DSCAM: variants seen among roughly 807,000 people sequenced by gnomAD.
DSCAM encodes DS cell adhesion molecule, also known as cell adhesion molecule DSCAM.
DSCAM carries 47 observed loss-of-function variants against 217.7 expected under a neutral mutation model. The observed-to-expected ratio is 0.22, with a 90% CI of 0.17 to 0.28. DSCAM has a LOEUF of 0.28. DSCAM is among the 10% of genes least tolerant of loss of function. DSCAM has a pLI of 1.00. For missense variants in DSCAM, 2,080 were observed against 2,618.3 expected (o/e 0.79, Z 4.49); for synonymous variants, 1,056 against 1,015.3 (o/e 1.04, Z -0.76).
chr21:40,128,633 G>A (rs1266499996), intron 19 of DSCAM, among the ~76,000 whole-genome samples: 2 of 150,866 alleles, frequency 1.3e-5, no homozygotes, highest in African/African-American at 2.4e-5. Context: ...CTACCATGCT[G>A]TAGGGGGTGT....
intron 3 of DSCAM, among the ~76,000 whole-genome samples, chr21:40,532,868 CTGTGTGTGTGTGTGTG>C (rs58575678): frequency 0.021 from 2,997 of 146,016 alleles, 64 homozygotes; most frequent in Admixed American, 0.04. Flanking sequence ...CCACAAGGCT[CTGTGTGTGTGTGTGTG>C]TGTGTGTGTG....
At chr21:40,086,516 C>A (rs1205312736) in intron 22 of DSCAM, among the ~76,000 whole-genome samples, 1 of 152,294 alleles carries the variant, frequency 6.6e-6, no homozygotes, top group South Asian at 2.1e-4. Context: ...TGAAAATAGG[C>A]ATTCTTCTGA....
intron 3 of DSCAM, among the ~76,000 whole-genome samples, chr21:40,676,921 C>G (rs1373035772): frequency 6.6e-6 from 1 of 152,102 alleles, no homozygotes; most frequent in Non-Finnish European, 1.5e-5. Context: ...GGCTCTCCAC[C>G]GAGGGATTCA....
At chr21:40,503,974 A>G (rs949267912) in intron 3 of DSCAM, among the ~76,000 whole-genome samples, 1 of 152,202 alleles carries the variant, frequency 6.6e-6, no homozygotes, top group African/African-American at 2.4e-5. Context: ...CCTCTCTTCC[A>G]GGCTTTCATC....
At chr21:40,549,913 A>G (rs1208944638) in intron 3 of DSCAM, among the ~76,000 whole-genome samples, 1 of 152,216 alleles carries the variant, frequency 6.6e-6, no homozygotes, top group East Asian at 1.9e-4. Context: ...TGTATCCTTT[A>G]CACACTGACA....
At chr21:40,013,536 A>C in intron 32 of DSCAM, 150 bp from the exon 33 acceptor site, 1 of 551,890 alleles carries the variant, frequency 1.8e-6, no homozygotes, top group Non-Finnish European at 3.0e-6. Flanking sequence ...TTCAGCGCTC[A>C]CCACAAAGAC....
chr21:40,029,361 C>G (rs1017315704), intron 32 of DSCAM, among the ~76,000 whole-genome samples: 3 of 146,024 alleles, frequency 2.1e-5, no homozygotes, highest in East Asian at 1.9e-4. Flanking sequence ...TGTGCTCATG[C>G]CCTCTGGGCC....
Position 40,674,978 on chromosome 21 carries a change from A to C in DSCAM, c.508+17832T>G, listed in dbSNP as rs139726664. On this transcript the variant is annotated intron_variant, in intron 3 of 32. Coordinates refer to ENST00000400454, the MANE Select transcript of DSCAM (RefSeq NM_001389.5). ...GTTAATATTTGTTACTAAGAGTAAAAATGCCATAACTTCCACACTCCCACC... is the reference window on the plus strand; with the variant it reads ...GTTAATATTTGTTACTAAGAGTAAACATGCCATAACTTCCACACTCCCACC... Among the ~76,000 whole-genome samples, 3 of 151,960 alleles carry C rather than the reference A, an allele frequency of 2.0e-5. No homozygotes were observed. In the East Asian group the frequency reaches 5.8e-4, roughly 29 times the overall value.
At chr21:40,842,365 T>G (rs1271510870) in intron 1 of DSCAM, among the ~76,000 whole-genome samples, 1 of 152,244 alleles carries the variant, frequency 6.6e-6, no homozygotes. Flanking sequence ...GAAATACTAT[T>G]GAATGCACTG....
intron 25 of DSCAM, 49 bp downstream of exon 25, chr21:40,080,103 T>C (rs1249469620): frequency 1.5e-6 from 2 of 1,292,110 alleles, no homozygotes; most frequent in Non-Finnish European, 2.1e-6. Context: ...TCTCCTCTTC[T>C]GGCCGGGAAA....
chr21:40,430,274 T>C (rs150688603), intron 3 of DSCAM, among the ~76,000 whole-genome samples: 108 of 152,314 alleles, frequency 7.1e-4, no homozygotes, highest in African/African-American at 2.2e-3. Flanking sequence ...CTTGATTGGA[T>C]TGAAGGATAC....
intron 16 of DSCAM, among the ~76,000 whole-genome samples, chr21:40,146,896 T>C (rs11702152): frequency 0.47 from 71,983 of 152,038 alleles, 19,679 homozygotes; most frequent in South Asian, 0.63. Flanking sequence ...AATTACTCTA[T>C]GTGAAAATTG....
At chr21:40,754,417 G>T (rs2091256219) in intron 1 of DSCAM, among the ~76,000 whole-genome samples, 1 of 152,194 alleles carries the variant, frequency 6.6e-6, no homozygotes, top group African/African-American at 2.4e-5. Context: ...GGAAACACAG[G>T]CAGGAAAGGA....
At chr21:40,298,628 TA>T (rs1241528812) in intron 9 of DSCAM, among the ~76,000 whole-genome samples, 2 of 152,150 alleles carry the variant, frequency 1.3e-5, no homozygotes, top group African/African-American at 4.8e-5. Context: ...AGTTTTCTAG[TA>T]AAAGTGACCA....
rs1379296233 is a variant in DSCAM, at chr21:40,785,720, G to T, written c.43+60899C>A. ...ATTCATTCAGTCATTTAATATGTAT[G>T]TATCTGTCTATGCTATGCCAAGAAA... On this transcript the variant is annotated intron_variant, in intron 1 of 32. Transcript: ENST00000400454. Among the ~76,000 whole-genome samples, 6 of 152,240 alleles carry T rather than the reference G, an allele frequency of 3.9e-5. No individual in the cohort carries two copies. In the South Asian group the frequency reaches 1.2e-3, roughly 32 times the overall value.
chr21:40,162,224 T>G (rs7278658), intron 16 of DSCAM, among the ~76,000 whole-genome samples: 40,448 of 152,140 alleles, frequency 0.27, 5,456 homozygotes, highest in Admixed American at 0.28. Context: ...GTAAGTTCCT[T>G]TGACTTCAGG....
intron 2 of DSCAM, among the ~76,000 whole-genome samples, chr21:40,695,026 G>A (rs947124109): frequency 2.0e-5 from 3 of 152,018 alleles, no homozygotes; most frequent in African/African-American, 7.3e-5. Flanking sequence ...CCTAAGCAGG[G>A]GAATGATTTC....
chr21:40,317,152 G>A (rs78009682), intron 8 of DSCAM, among the ~76,000 whole-genome samples: 72 of 152,338 alleles, frequency 4.7e-4, no homozygotes, highest in African/African-American at 1.7e-3. Context: ...GCGTGACTCC[G>A]AAATGATGAG....
chr21:40,788,700 A>T (rs1009252630), intron 1 of DSCAM, among the ~76,000 whole-genome samples: 1 of 152,194 alleles, frequency 6.6e-6, no homozygotes, highest in Non-Finnish European at 1.5e-5. Flanking sequence ...CTACCTCCCT[A>T]GAGAATGTTC....
Sources: gnomAD v4.1 joint callset for allele counts (sites outside exome capture counted in the v4.1 genomes callset) on GRCh38, gnomAD v4.1.1 for gene constraint, MANE v1.5 for transcripts, NCBI Gene and HGNC (gene_info 2026-07-23, HGNC 2026-07-21) for gene names.